Variants in SGCZ observed in about 807,000 individuals in gnomAD.
SGCZ encodes the protein zeta-sarcoglycan.
Under a neutral mutation model 41.3 loss-of-function variants are expected in SGCZ, and 40 were observed. That is an observed-to-expected ratio of 0.97 (90% CI 0.75 to 1.26). The LOEUF (loss-of-function observed/expected upper bound fraction) is 1.26, where lower values mean the gene tolerates loss of function less well. Ranked by LOEUF, SGCZ falls within the 50% of genes most tolerant of loss-of-function variation. The probability of loss-of-function intolerance (pLI) is 0.00; values close to 1 mark genes in which losing one functional copy is unlikely to be tolerated. For synonymous variants in SGCZ, 206 were observed against 137.5 expected (o/e 1.50, Z -3.49); for missense variants, 552 against 369.8 (o/e 1.49, Z -4.04).
chr8:14,217,001 A>T (rs555270055), intron 4 of SGCZ, among the ~76,000 whole-genome samples: 5 of 152,188 alleles, frequency 3.3e-5, no homozygotes, highest in Non-Finnish European at 5.9e-5. Context: ...ATAAAGCTCT[A>T]TAGAGGATGG....
chr8:14,322,471 T>C (rs139339387), intron 3 of SGCZ, among the ~76,000 whole-genome samples: 2 of 152,168 alleles, frequency 1.3e-5, no homozygotes, highest in South Asian at 2.1e-4. Flanking sequence ...CTATGGTCCA[T>C]AGGTGGAATC....
intron 3 of SGCZ, among the ~76,000 whole-genome samples, chr8:14,267,352 G>A (rs1338932907): frequency 1.3e-5 from 2 of 152,042 alleles, no homozygotes; most frequent in Non-Finnish European, 2.9e-5. Flanking sequence ...GGAAACATAA[G>A]TAGCGTTATC....
At chr8:14,347,396 T>C (rs1802926287) in intron 2 of SGCZ, among the ~76,000 whole-genome samples, 1 of 152,096 alleles carries the variant, frequency 6.6e-6, no homozygotes, top group Non-Finnish European at 1.5e-5. Flanking sequence ...AAATTATTAA[T>C]TGTTCTCCAT....
intron 1 of SGCZ, among the ~76,000 whole-genome samples, chr8:15,128,697 C>T (rs1053574773): frequency 6.6e-6 from 1 of 152,130 alleles, no homozygotes; most frequent in African/African-American, 2.4e-5. Flanking sequence ...AACACATGTC[C>T]CCACAAAACT....
At chr8:14,687,194 T>TC (rs1384947622) in intron 1 of SGCZ, among the ~76,000 whole-genome samples, 3 of 147,660 alleles carry the variant, frequency 2.0e-5, no homozygotes, top group African/African-American at 7.4e-5. Context: ...ATATATATTT[T>TC]AATTTTATTA....
At chr8:15,078,147 CTTTTTT>C (rs34411963) in intron 1 of SGCZ, among the ~76,000 whole-genome samples, 98 of 44,782 alleles carry the variant, frequency 2.2e-3, no homozygotes, top group African/African-American at 7.9e-3. Context: ...AGGAACTCTT[CTTTTTT>C]TTTTTTTTTT....
chr8:15,106,300 T>C (rs1293344244), intron 1 of SGCZ, among the ~76,000 whole-genome samples: 2 of 152,108 alleles, frequency 1.3e-5, no homozygotes, highest in African/African-American at 2.4e-5. Context: ...CATGCATTTA[T>C]AAGACAAGTT....
chr8:15,149,796 C>T (rs980099139), intron 1 of SGCZ, among the ~76,000 whole-genome samples: 6 of 150,334 alleles, frequency 4.0e-5, no homozygotes, highest in African/African-American at 1.5e-4. Flanking sequence ...ACTGACCCAG[C>T]AATTCTTCTA....
chr8:14,352,400 A>C (rs1331175415), intron 2 of SGCZ, among the ~76,000 whole-genome samples: 1 of 152,092 alleles, frequency 6.6e-6, no homozygotes, highest in African/African-American at 2.4e-5. Context: ...AATACGGCAC[A>C]AAATGTGTAA....
chr8:14,616,111 A>T (rs1469125997), intron 1 of SGCZ, among the ~76,000 whole-genome samples: 2 of 151,942 alleles, frequency 1.3e-5, no homozygotes, highest in African/African-American at 4.8e-5. Context: ...GTGAAACCTC[A>T]TCTCTACTAA....
intron 2 of SGCZ, among the ~76,000 whole-genome samples, chr8:14,388,645 A>T (rs1323296707): frequency 6.6e-6 from 1 of 152,094 alleles, no homozygotes; most frequent in Non-Finnish European, 1.5e-5. Context: ...TATAGTTCAG[A>T]TAGAATAAAC....
intron 3 of SGCZ, chr8:14,308,935 C>T (rs1801433726): frequency 1.8e-6 from 1 of 555,910 alleles, no homozygotes; most frequent in Non-Finnish European, 3.2e-6. Context: ...AGTAGACTAA[C>T]AAAGTGTAAG....
chr8:14,121,455 A>T (rs1802693524), intron 5 of SGCZ, among the ~76,000 whole-genome samples: 1 of 152,118 alleles, frequency 6.6e-6, no homozygotes, highest in Admixed American at 6.5e-5. Context: ...TTTTTAAAGT[A>T]CCCGTTTAAT....
At chr8:14,801,804 C>G (rs1008215957) in intron 1 of SGCZ, among the ~76,000 whole-genome samples, 4 of 150,078 alleles carry the variant, frequency 2.7e-5, no homozygotes, top group African/African-American at 9.7e-5. Context: ...AAAAAGAGCA[C>G]CAAATTTTTA....
intron 2 of SGCZ, among the ~76,000 whole-genome samples, chr8:14,441,508 GA>G (rs1800269107): frequency 6.6e-6 from 1 of 152,200 alleles, no homozygotes; most frequent in South Asian, 2.1e-4. Context: ...CTGGGAGGTG[GA>G]GGTTGCAGTA....
chr8:15,061,530 T>TAAAA (rs56690396), intron 1 of SGCZ, among the ~76,000 whole-genome samples: 8,937 of 141,892 alleles, frequency 0.063, 432 homozygotes, highest in African/African-American at 0.13. Flanking sequence ...TTACAGTATA[T>TAAAA]AAAAAAAAAA....
intron 5 of SGCZ, among the ~76,000 whole-genome samples, chr8:14,158,222 C>T (rs1803935492): frequency 6.6e-6 from 1 of 152,080 alleles, no homozygotes; most frequent in African/African-American, 2.4e-5. Flanking sequence ...AGAATAACCT[C>T]TTTTGTCCTG....
chr8:14,963,228 G>A (rs1283172377), intron 1 of SGCZ, among the ~76,000 whole-genome samples: 2 of 152,140 alleles, frequency 1.3e-5, no homozygotes, highest in Non-Finnish European at 2.9e-5. Context: ...GTGTATATGT[G>A]TTGCATGAGC....
At chr8:14,524,340 G>T (rs1272732619) in intron 2 of SGCZ, among the ~76,000 whole-genome samples, 1 of 151,884 alleles carries the variant, frequency 6.6e-6, no homozygotes, top group Non-Finnish European at 1.5e-5. Flanking sequence ...AGTTCTCACT[G>T]CTCCTGGATT....
Sources: allele counts gnomAD v4.1 joint callset (sites outside exome capture counted in the v4.1 genomes callset), GRCh38; gene constraint gnomAD v4.1.1; transcripts MANE v1.5; gene names NCBI Gene and HGNC (gene_info 2026-07-23, HGNC 2026-07-21).